TRABD: variants seen among roughly 807,000 people sequenced by gnomAD.
TRABD encodes the protein TraB domain containing.
A neutral mutation model predicts 39.6 loss-of-function variants in TRABD; 23 were observed. The ratio of observed to expected loss-of-function variants is 0.58; its 90% confidence interval spans 0.42 to 0.82. The LOEUF is 0.82. Ranked by LOEUF, TRABD falls within the 40% of genes least tolerant of loss-of-function variation. The pLI is 0.00. For missense variants in TRABD, 487 were observed against 544.9 expected, an observed-to-expected ratio of 0.89 and a Z score of 1.06; for synonymous variants, 243 against 232.1, an observed-to-expected ratio of 1.05 and a Z score of -0.43.
At position 50,198,301 on chromosome 22, in the gene TRABD, G is replaced by A. The variant is rs1299401169; in HGVS notation, c.957-44G>A. 2.0e-6 allele frequency: 3 copies of A among 1,507,688 alleles called. No individual in the cohort carries two copies. Among genetic ancestry groups the A allele is most frequent in the African/African-American group, 2.8e-5 (2 of 72,562 alleles). 93.4% of individuals were successfully genotyped at this position (1,507,688 alleles called of 1,614,324 possible). On this transcript the variant is annotated intron_variant, in intron 9 of 9. Transcript: ENST00000380909. This position sits in a 1 kb window ranked among gnomAD's most constrained non-coding sequence, Gnocchi z 7.9. Reference sequence around the variant, plus strand: ...CCCAGGCATGGGGGCTGGGGTATGGGGAGCCCACCCCCAGCCAGGCCCAGC... The same window carrying A: ...CCCAGGCATGGGGGCTGGGGTATGGAGAGCCCACCCCCAGCCAGGCCCAGC...
intron 5 of TRABD, 58 bp from the exon 6 acceptor site, chr22:50,197,183 C>A: frequency 6.6e-7 from 1 of 1,523,038 alleles, no homozygotes; most frequent in South Asian, 1.2e-5. Flanking sequence ...TTCTGCCATT[C>A]CCCCAGCGCA....
At position 50,194,339 on chromosome 22, in the gene TRABD, G is replaced by A; in HGVS notation, c.113-1G>A. On this transcript the variant is annotated splice_acceptor_variant, in intron 3 of 9. Transcript: ENST00000380909. LOFTEE classifies it high-confidence loss of function. Reference sequence around the variant, plus strand: ...CACAACGGCCTGTGCTGCTGTTGCAGCCGACGTGGACGCCTTCAACCTGCT... The same window carrying A: ...CACAACGGCCTGTGCTGCTGTTGCAACCGACGTGGACGCCTTCAACCTGCT... The A allele has an allele frequency of 6.2e-7, 1 of 1,610,924 alleles. No individual in the cohort carries two copies. The highest frequency in any genetic ancestry group is 8.5e-7 in the Non-Finnish European group (1 of 1,178,536).
At position 50,198,291 on chromosome 22, in the gene TRABD, TG is replaced by T; in HGVS notation, c.957-50del. 6.6e-7 allele frequency: 1 copy of T among 1,505,816 alleles called. No individual in the cohort carries two copies. Among genetic ancestry groups the T allele is most frequent in the Non-Finnish European group, 9.0e-7 (1 of 1,112,434 alleles). The allele number at this position is 1,505,816 out of a possible 1,614,324, so 93.3% of individuals were successfully genotyped here. ...GCGGCAGTGACCCAGGCATGGGGGC[TG>T]GGGTATGGGGAGCCCACCCCCAGCC... is the stretch of plus-strand genomic sequence containing the variant. On this transcript the variant is annotated intron_variant, in intron 9 of 9. Coordinates refer to ENST00000380909, the MANE Select transcript of TRABD (RefSeq NM_001320485.2). This position sits in a 1 kb window ranked among gnomAD's most constrained non-coding sequence, Gnocchi z 7.9.
At chr22:50,186,734 C>T (rs1316442826) in intron 1 of TRABD, among the ~76,000 whole-genome samples, 2 of 152,264 alleles carry the variant, frequency 1.3e-5, no homozygotes, top group African/African-American at 4.8e-5. Context: ...CTTTGCCCTT[C>T]AATTGGAGCA....
chr22:50,193,606 G>A lies in TRABD; in HGVS notation c.64G>A (p.Ala22Thr). The A allele has an allele frequency of 6.2e-7, 1 of 1,613,860 alleles. No individual in the cohort carries two copies. Among genetic ancestry groups the A allele is most frequent in the Non-Finnish European group, 8.5e-7 (1 of 1,179,974 alleles). ...CGTGGAACCTGTTGTGCCGTCAGAGGCTTCAGAGCCGGTGCCCAGGGTGCT... is the reference window on the plus strand; with the variant it reads ...CGTGGAACCTGTTGTGCCGTCAGAGACTTCAGAGCCGGTGCCCAGGGTGCT... ...ANVEPVVPSEASEPVPRVLSG... is the reference protein window; with the variant it reads ...ANVEPVVPSETSEPVPRVLSG... The change falls in exon 3 of 10, where the codon GCT becomes ACT. Residue 22 changes from alanine (A) to threonine (T), a missense_variant. Transcript: ENST00000380909.
chr22:50,186,480 G>C (rs4838860), intron 1 of TRABD, among the ~76,000 whole-genome samples: 64,460 of 152,002 alleles, frequency 0.42, 14,131 homozygotes, highest in African/African-American at 0.56. Context: ...GGCGGGGAGG[G>C]TCAGCGGCGG....
At chr22:50,193,146 G>A (rs1024042435) in intron 2 of TRABD, 53 bp downstream of exon 2, 11 of 1,502,562 alleles carry the variant, frequency 7.3e-6, no homozygotes, top group African/African-American at 1.4e-5. Flanking sequence ...GGGCTTCCCC[G>A]CTTTGTGGGC....
At position 50,199,364 on chromosome 22, in the gene TRABD, G is replaced by A; in HGVS notation, c.*845G>A. On this transcript the variant is annotated 3_prime_UTR_variant, in exon 10 of 10. Transcript: ENST00000380909. ...GGCCAAGGACATGGGCTGTGGCCAG[G>A]CCTGTCCCGCTCAGGCCCCCTGCCC... is the stretch of plus-strand genomic sequence containing the variant. 1 of 457,472 alleles carries A rather than the reference G, an allele frequency of 2.2e-6. No individual in the cohort carries two copies. 28.3% of individuals were successfully genotyped at this position (457,472 alleles called of 1,614,324 possible).
Position 50,198,687 on chromosome 22 carries a change from A to C in TRABD, c.*168A>C. 1 of 637,796 alleles carries C rather than the reference A, an allele frequency of 1.6e-6. No individual in the cohort carries two copies. Among genetic ancestry groups the C allele is most frequent in the Non-Finnish European group, 2.6e-6 (1 of 391,808 alleles). 39.5% of individuals were successfully genotyped at this position (637,796 alleles called of 1,614,324 possible). ...AGTCACCCCTCCCCCAGCCCACCCA[A>C]ATAAAGGATTATTTAACTGTCTGAG... is the stretch of plus-strand genomic sequence containing the variant. On this transcript the variant is annotated 3_prime_UTR_variant, in exon 10 of 10. Coordinates refer to ENST00000380909, the MANE Select transcript of TRABD (RefSeq NM_001320485.2). The surrounding 1 kb of genome is among the most constrained non-coding windows in gnomAD (Gnocchi z 7.9).
At position 50,197,966 on chromosome 22, in the gene TRABD, G is replaced by A. The variant is rs149002458; in HGVS notation, c.815G>A (p.Arg272Gln). The A allele has an allele frequency of 2.1e-5, 34 of 1,612,412 alleles. No homozygotes were observed. Among genetic ancestry groups the A allele is most frequent in the African/African-American group, 1.5e-4 (11 of 74,892 alleles). ...ACCTACATGCTGCGCCAGGCCGCGCGGCGCCTCGAGCTGCCTCGGGCCTCT... is the reference window on the plus strand; with the variant it reads ...ACCTACATGCTGCGCCAGGCCGCGCAGCGCCTCGAGCTGCCTCGGGCCTCT... ...YLTYMLRQAA[R>Q]RLELPRASDA... The change falls in exon 8 of 10, where the codon CGG becomes CAG. Residue 272 changes from arginine to glutamine, a missense_variant. Physicochemically the swap from Arg to Gln is conservative, Grantham distance 43. Around this residue, in one of 3 missense-constraint regions of TRABD, gnomAD observed 358 missense variants for 414.7 expected, o/e 0.86. Coordinates refer to ENST00000380909, the MANE Select transcript of TRABD (RefSeq NM_001320485.2).
chr22:50,196,366 T>C (rs2064106114), intron 5 of TRABD, among the ~76,000 whole-genome samples: 1 of 152,168 alleles, frequency 6.6e-6, no homozygotes, highest in Non-Finnish European at 1.5e-5. Flanking sequence ...GGCTCATGGC[T>C]CAGGCCCAGA....
chr22:50,196,149 G>A (rs2064095933), intron 5 of TRABD, among the ~76,000 whole-genome samples: 2 of 152,204 alleles, frequency 1.3e-5, no homozygotes, highest in Admixed American at 6.5e-5. Context: ...TCCCCTCCCG[G>A]GGGACACTCG....
At chr22:50,195,652 C>T (rs552987741) in intron 5 of TRABD, among the ~76,000 whole-genome samples, 79 of 151,984 alleles carry the variant, frequency 5.2e-4, no homozygotes, top group African/African-American at 1.8e-3. Flanking sequence ...TTAGTAGAGA[C>T]GGGGTTTCAC....
Position 50,198,235 on chromosome 22 carries a change from G to A in TRABD, c.956+49G>A. 1 of 1,561,332 alleles carries A rather than the reference G, an allele frequency of 6.4e-7. No individual in the cohort carries two copies. On this transcript the variant is annotated intron_variant, in intron 9 of 9. Coordinates refer to ENST00000380909, the MANE Select transcript of TRABD (RefSeq NM_001320485.2). This position sits in a 1 kb window ranked among gnomAD's most constrained non-coding sequence, Gnocchi z 7.9. ...AGCCCCACCCCACAAGCCCCCAGGT[G>A]GAGGCTGAGCGCCCTGGAGGCCAAC... is the stretch of plus-strand genomic sequence containing the variant.
chr22:50,198,253 A>C lies in TRABD; in HGVS notation c.956+67A>C, dbSNP rs2064196519. ...CCCAGGTGGAGGCTGAGCGCCCTGG[A>C]GGCCAACCACATGCGGCAGTGACCC... On this transcript the variant is annotated intron_variant, in intron 9 of 9. Transcript: ENST00000380909. This position sits in a 1 kb window ranked among gnomAD's most constrained non-coding sequence, Gnocchi z 7.9. 1 of 1,506,960 alleles carries C rather than the reference A, an allele frequency of 6.6e-7. No individual in the cohort carries two copies. The highest frequency in any genetic ancestry group is 9.0e-7 in the Non-Finnish European group (1 of 1,112,648). 93.3% of individuals were successfully genotyped at this position (1,506,960 alleles called of 1,614,324 possible). A position where few individuals can be genotyped will look rare whatever the true frequency, so the allele number is the denominator to read the frequency against.
In TRABD at chr22:50,197,193, A is replaced by AACC; in HGVS notation, c.421-48_421-47insACC. 13 of 1,560,180 alleles carry AACC rather than the reference A, an allele frequency of 8.3e-6. No homozygotes were observed. In the Admixed American group the frequency reaches 1.0e-4, roughly 12 times the overall value. ...CCCAGTTCTGCCATTCCCCCAGCGC[A>AACC]CCCCCGCACCCGCCCCTCCAGCTGA... On this transcript the variant is annotated intron_variant, in intron 5 of 9. Coordinates refer to ENST00000380909, the MANE Select transcript of TRABD (RefSeq NM_001320485.2).
chr22:50,197,370 A>T lies in TRABD; in HGVS notation c.531+19A>T, dbSNP rs375926626. ...CAAGGAGGTGGGCACAGGGTGAGGTAGGGGGTGGCCACAGGGATGTGGCTC... is the reference window on the plus strand; with the variant it reads ...CAAGGAGGTGGGCACAGGGTGAGGTTGGGGGTGGCCACAGGGATGTGGCTC... On this transcript the variant is annotated intron_variant, in intron 6 of 9. Coordinates refer to ENST00000380909, the MANE Select transcript of TRABD (RefSeq NM_001320485.2). 32 of 1,613,236 alleles carry T rather than the reference A, an allele frequency of 2.0e-5. No homozygotes were observed. In the African/African-American group the frequency reaches 3.5e-4, roughly 17 times the overall value.
At position 50,198,902 on chromosome 22, in the gene TRABD, G is replaced by A. The variant is rs576183044; in HGVS notation, c.*383G>A. 100 of 574,178 alleles carry A rather than the reference G, an allele frequency of 1.7e-4. No homozygotes were observed. The highest frequency in any genetic ancestry group is 1.3e-3 in the African/African-American group (70 of 52,958). 35.6% of individuals were successfully genotyped at this position (574,178 alleles called of 1,614,324 possible). A position where few individuals can be genotyped will look rare whatever the true frequency, so the allele number is the denominator to read the frequency against. On this transcript the variant is annotated 3_prime_UTR_variant, in exon 10 of 10. Transcript: ENST00000380909. The surrounding 1 kb of genome is among the most constrained non-coding windows in gnomAD (Gnocchi z 7.9). ...ACCTCACTGTGCCTTCCTGTGCTCC[G>A]GCCACAGGAGCGTCGGCCCAGGGGC...
rs765251343 is a variant in TRABD at position 50,198,204 on chromosome 22, C to T, written c.956+18C>T. 2.5e-5 allele frequency: 40 copies of T among 1,589,232 alleles called. No homozygotes were observed. In the East Asian group the frequency reaches 8.1e-4, roughly 32 times the overall value. ...ATCATGACGTGAGTGCCCGCCCCTC[C>T]CTGCAAGCCCCACCCCACAAGCCCC... is the stretch of plus-strand genomic sequence containing the variant. On this transcript the variant is annotated intron_variant, in intron 9 of 9. Coordinates refer to ENST00000380909, the MANE Select transcript of TRABD (RefSeq NM_001320485.2). This position sits in a 1 kb window ranked among gnomAD's most constrained non-coding sequence, Gnocchi z 7.9.
Sources: gnomAD v4.1 joint callset for allele counts (sites outside exome capture counted in the v4.1 genomes callset) on GRCh38, gnomAD v4.1.1 for gene constraint, gnomAD v4.1.1 regional missense constraint, Gnocchi (gnomAD v3.1) non-coding constraint, MANE v1.5 for transcripts, NCBI Gene and HGNC (gene_info 2026-07-23, HGNC 2026-07-21) for gene names.